The following SUGCT variants were observed in gnomAD, a reference collection of about 807,000 sequenced individuals.
SUGCT encodes succinyl-CoA:glutarate-CoA transferase.
A neutral mutation model predicts 55.0 loss-of-function variants in SUGCT; 41 were observed. That is an observed-to-expected ratio of 0.74 (90% confidence interval 0.58 to 0.97). SUGCT has a LOEUF of 0.97. Among genes scored for constraint, SUGCT ranks in the 50% least tolerant of loss-of-function variants. The pLI, the probability that SUGCT is intolerant of heterozygous loss-of-function variation, is 0.00. For missense variants in SUGCT, 568 were observed against 547.8 expected (o/e 1.04, Z -0.37); for synonymous variants, 187 against 200.4 (o/e 0.93, Z 0.56).
chr7:40,673,345 T>C (rs766784105), intron 12 of SUGCT, among the ~76,000 whole-genome samples: 19 of 152,176 alleles, frequency 1.2e-4, no homozygotes, highest in Non-Finnish European at 2.6e-4. Flanking sequence ...CTAATGCTGC[T>C]CTGTGCTAAG....
At chr7:40,655,553 T>G (rs1307889793) in intron 12 of SUGCT, among the ~76,000 whole-genome samples, 2 of 152,224 alleles carry the variant, frequency 1.3e-5, no homozygotes, top group Non-Finnish European at 2.9e-5. Flanking sequence ...TTGAGTGTTA[T>G]GGAGGCGTCA....
intron 12 of SUGCT, among the ~76,000 whole-genome samples, chr7:40,701,097 G>T (rs1785153854): frequency 6.6e-6 from 1 of 152,054 alleles, no homozygotes; most frequent in Non-Finnish European, 1.5e-5. Flanking sequence ...AAAGCCCCAG[G>T]CCTCTGAGGC....
In SUGCT at chr7:40,308,695, T is replaced by TG. The variant is rs76132576; in HGVS notation, c.721-8063dup. Among the ~76,000 whole-genome samples the TG allele has an allele frequency of 2.4e-4, 36 of 152,318 alleles. No individual in the cohort carries two copies. In the East Asian group the frequency reaches 6.6e-3, roughly 28 times the overall value. On this transcript the variant is annotated intron_variant, in intron 8 of 13. Transcript: ENST00000335693. ...TTTTAGCATATTAAAGTCTTCTAAC[T>TG]GGTTGATCTCACTGCCTAGAAAGAT...
Position 40,356,746 on chromosome 7 carries a change from A to C in SUGCT, c.816+39891A>C, listed in dbSNP as rs141601970. Among the ~76,000 whole-genome samples, 5 of 152,278 alleles carry C rather than the reference A, an allele frequency of 3.3e-5. No homozygotes were observed. The East Asian group carries it at 9.7e-4, about 29-fold the overall frequency. On this transcript the variant is annotated intron_variant, in intron 9 of 13. Coordinates refer to ENST00000335693, the MANE Select transcript of SUGCT (RefSeq NM_001193313.2). ...ATTAGTGTTTTCTTAGTTTCTTTGA[A>C]AATACTTGTTTGTAGTTGTTCTGTG... is the stretch of plus-strand genomic sequence containing the variant.
chr7:40,368,823 GC>G (rs1784141421), intron 9 of SUGCT, among the ~76,000 whole-genome samples: 1 of 152,006 alleles, frequency 6.6e-6, no homozygotes, highest in African/African-American at 2.4e-5. Flanking sequence ...ACAACTTTTG[GC>G]TGGGTGTGGT....
intron 7 of SUGCT, among the ~76,000 whole-genome samples, chr7:40,272,395 C>G (rs1792126684): frequency 6.7e-6 from 1 of 149,130 alleles, no homozygotes; most frequent in Non-Finnish European, 1.5e-5. Context: ...CCAGGCTGTT[C>G]TTGAACTCGT....
chr7:40,417,970 A>G (rs1326643293), intron 9 of SUGCT, among the ~76,000 whole-genome samples: 2 of 152,002 alleles, frequency 1.3e-5, no homozygotes, highest in Non-Finnish European at 1.5e-5. Context: ...AAAACAATAC[A>G]TGTGATAAAT....
At chr7:40,241,354 G>T (rs376476472) in intron 7 of SUGCT, among the ~76,000 whole-genome samples, 4 of 151,022 alleles carry the variant, frequency 2.6e-5, no homozygotes, top group East Asian at 3.9e-4. Flanking sequence ...TGAGGCGGGC[G>T]GATCACTTAA....
At chr7:40,206,652 T>G (rs1037033914) in intron 6 of SUGCT, among the ~76,000 whole-genome samples, 39 of 152,206 alleles carry the variant, frequency 2.6e-4, no homozygotes, top group African/African-American at 9.2e-4. Context: ...ATAGGCATAG[T>G]GTTTGCATAT....
chr7:40,952,008 T>G, the SUGCT span, among the ~76,000 whole-genome samples: 180 of 152,310 alleles, frequency 1.2e-3, 2 homozygotes, highest in African/African-American at 4.1e-3. Flanking sequence ...TGGATATCCT[T>G]GTCCATTTTC....
chr7:40,400,969 T>G (rs1353015080), intron 9 of SUGCT, among the ~76,000 whole-genome samples: 2 of 152,152 alleles, frequency 1.3e-5, no homozygotes, highest in Non-Finnish European at 2.9e-5. Flanking sequence ...CAGGAAGGCA[T>G]CCCAGTACAA....
intron 12 of SUGCT, among the ~76,000 whole-genome samples, chr7:40,677,055 A>T (rs1784026629): frequency 6.6e-6 from 1 of 152,202 alleles, no homozygotes; most frequent in African/African-American, 2.4e-5. Flanking sequence ...AGCTGGCCCA[A>T]TCAGTGTTTT....
chr7:40,976,662 G>A, the SUGCT span, among the ~76,000 whole-genome samples: 28 of 152,256 alleles, frequency 1.8e-4, no homozygotes, highest in African/African-American at 6.3e-4. Context: ...CTCTTCCAAT[G>A]AGTGGTTGAG....
chr7:40,664,890 G>A (rs1233640709), intron 12 of SUGCT, among the ~76,000 whole-genome samples: 5 of 150,858 alleles, frequency 3.3e-5, no homozygotes, highest in African/African-American at 7.3e-5. Flanking sequence ...TGAGGCAGGA[G>A]AATGGCGTGA....
intron 12 of SUGCT, among the ~76,000 whole-genome samples, chr7:40,541,335 C>T (rs1450551268): frequency 1.3e-5 from 2 of 152,130 alleles, no homozygotes; most frequent in African/African-American, 4.8e-5. Context: ...TGCATAATGG[C>T]GCAGACATTC....
At chr7:40,752,277 C>A (rs1332797434) in intron 13 of SUGCT, among the ~76,000 whole-genome samples, 1 of 152,160 alleles carries the variant, frequency 6.6e-6, no homozygotes, top group Non-Finnish European at 1.5e-5. Flanking sequence ...AAGCAGAAAC[C>A]ACAGTGCTAT....
At chr7:40,782,999 G>A (rs1789832426) in intron 13 of SUGCT, among the ~76,000 whole-genome samples, 1 of 152,144 alleles carries the variant, frequency 6.6e-6, no homozygotes, top group Non-Finnish European at 1.5e-5. Flanking sequence ...ATGTGACTCT[G>A]CCTCTGTGGG....
chr7:40,401,335 C>T (rs1165975102), intron 9 of SUGCT, among the ~76,000 whole-genome samples: 4 of 152,154 alleles, frequency 2.6e-5, no homozygotes, highest in Non-Finnish European at 4.4e-5. Flanking sequence ...GTCTGCTATA[C>T]ACTAGGTCCA....
At chr7:40,797,877 T>C (rs1016915371) in intron 13 of SUGCT, among the ~76,000 whole-genome samples, 1 of 152,240 alleles carries the variant, frequency 6.6e-6, no homozygotes, top group Non-Finnish European at 1.5e-5. Flanking sequence ...AAGGACTTCT[T>C]TCCCAGGACC....
Sources: allele counts gnomAD v4.1 joint callset (sites outside exome capture counted in the v4.1 genomes callset), GRCh38; gene constraint gnomAD v4.1.1; transcripts MANE v1.5; gene names NCBI Gene and HGNC (gene_info 2026-07-23, HGNC 2026-07-21).